The following ANKRD12 variants were observed in gnomAD, a reference collection of about 807,000 sequenced individuals.
ANKRD12 encodes ankyrin repeat domain 12, also known as ankyrin repeat domain-containing protein 12.
ANKRD12 carries 85 observed loss-of-function variants against 183.4 expected under a neutral mutation model. The ratio of observed to expected loss-of-function variants is 0.46; its 90% CI spans 0.39 to 0.56. ANKRD12 has a LOEUF of 0.56. ANKRD12 is among the 20% of genes least tolerant of loss of function. The pLI, the probability that ANKRD12 is intolerant of heterozygous loss-of-function variation, is 0.00. For missense variants in ANKRD12, 2,405 were observed against 2,357.1 expected, an observed-to-expected ratio of 1.02 and a Z score of -0.42; for synonymous variants, 914 against 800.2, an observed-to-expected ratio of 1.14 and a Z score of -2.40.
intron 5 of ANKRD12, among the ~76,000 whole-genome samples, chr18:9,210,088 ACT>A (rs1486299487): frequency 2.6e-5 from 4 of 152,020 alleles, no homozygotes; most frequent in South Asian, 4.2e-4. Flanking sequence ...TTCTTAGTCA[ACT>A]CTCTATTAAT....
intron 2 of ANKRD12, among the ~76,000 whole-genome samples, chr18:9,189,848 C>CAG (rs1304725036): frequency 6.6e-6 from 1 of 152,184 alleles, no homozygotes. Context: ...AGAGCTCTGA[C>CAG]AGAGACATAC....
At chr18:9,250,328 G>A (rs1188404724) in intron 8 of ANKRD12, 1 of 150,542 alleles carries the variant, frequency 6.6e-6, no homozygotes, top group African/African-American at 2.5e-5. Context: ...AGATATGATA[G>A]ATAGTGCTGG....
At chr18:9,179,353 T>C (rs2033529814) in intron 1 of ANKRD12, among the ~76,000 whole-genome samples, 1 of 152,224 alleles carries the variant, frequency 6.6e-6, no homozygotes. Flanking sequence ...GCCTCATTGT[T>C]GATCTTAGAA....
At chr18:9,198,353 A>G (rs1275588247) in intron 3 of ANKRD12, among the ~76,000 whole-genome samples, 2 of 145,010 alleles carry the variant, frequency 1.4e-5, no homozygotes, top group East Asian at 3.9e-4. Flanking sequence ...ATCAATAGTA[A>G]TCAAGAAATA....
At chr18:9,264,947 C>T (rs2039194784) in intron 10 of ANKRD12, among the ~76,000 whole-genome samples, 1 of 152,186 alleles carries the variant, frequency 6.6e-6, no homozygotes, top group Non-Finnish European at 1.5e-5. Context: ...TCTGCATTTC[C>T]CACTGAGCAA....
intron 3 of ANKRD12, 66 bp downstream of exon 3, chr18:9,195,764 T>C: frequency 6.8e-7 from 1 of 1,464,698 alleles, no homozygotes; most frequent in Non-Finnish European, 9.3e-7. Context: ...TTGTTTCTTG[T>C]ACACCACTCC....
chr18:9,265,775 G>T (rs1005464782), intron 10 of ANKRD12, among the ~76,000 whole-genome samples: 1 of 152,172 alleles, frequency 6.6e-6, no homozygotes, highest in African/African-American at 2.4e-5. Flanking sequence ...GACGGATAAT[G>T]ACTTTTACGA....
Position 9,255,938 on chromosome 18 carries a change from ACTG to A in ANKRD12, c.2677_2679del (p.Ala893del), listed in dbSNP as rs766855546. On this transcript the variant is annotated inframe_deletion, in exon 9 of 13. Transcript: ENST00000262126. ...TAAAGAAGGTGAGAAGAGCAAAAATACTGCTGCTATTAAAAAAACTGACGACAG... is the reference window on the plus strand; with the variant it reads ...TAAAGAAGGTGAGAAGAGCAAAAATACTGCTATTAAAAAAACTGACGACAG... 8 of 1,585,122 alleles carry A rather than the reference ACTG, an allele frequency of 5.0e-6. No homozygotes were observed. Among genetic ancestry groups the A allele is most frequent in the South Asian group, 2.4e-5 (2 of 84,072 alleles).
chr18:9,184,392 A>AT (rs142649502), intron 2 of ANKRD12, among the ~76,000 whole-genome samples: 11,219 of 150,492 alleles, frequency 0.075, 423 homozygotes, highest in African/African-American at 0.085. Context: ...TGATATGGCC[A>AT]TTTTTTTTTC....
At position 9,146,393 on chromosome 18, in the gene ANKRD12, A is replaced by G. The variant is rs534742864; in HGVS notation, c.-52+9428A>G. ...AAAATAGTGAGACTCCATCTACAAA[A>G]GAGTTTTGGCTGGGCACAGTGGCAC... On this transcript the variant is annotated intron_variant, in intron 1 of 12. Transcript: ENST00000262126. Among the ~76,000 whole-genome samples, 52 of 152,222 alleles carry G rather than the reference A, an allele frequency of 3.4e-4. No homozygotes were observed. In the South Asian group the frequency reaches 9.7e-3, roughly 29 times the overall value.
At chr18:9,247,358 A>G (rs1202086655) in intron 8 of ANKRD12, among the ~76,000 whole-genome samples, 4 of 151,258 alleles carry the variant, frequency 2.6e-5, no homozygotes, top group African/African-American at 9.7e-5. Context: ...GTGTACCTGT[A>G]GTCCTAGCTA....
At chr18:9,183,127 A>G (rs578259075) in intron 2 of ANKRD12, among the ~76,000 whole-genome samples, 2 of 152,316 alleles carry the variant, frequency 1.3e-5, no homozygotes, top group South Asian at 2.1e-4. Flanking sequence ...GTCAGTCTCC[A>G]CTGCAACCCT....
chr18:9,137,674 A>C (rs1429866248), intron 1 of ANKRD12: 1 of 152,162 alleles, frequency 6.6e-6, no homozygotes, highest in Non-Finnish European at 1.5e-5. Flanking sequence ...CAGCCACTCT[A>C]CAGTTCTGTC....
At position 9,281,026 on chromosome 18, in the gene ANKRD12, T is replaced by G; in HGVS notation, c.6089T>G (p.Leu2030Arg). The G allele has an allele frequency of 6.2e-7, 1 of 1,614,160 alleles. No individual in the cohort carries two copies. The change falls in exon 13 of 13, where the codon CTT becomes CGT. Residue 2030 changes from leucine to arginine, a missense_variant. Coordinates refer to ENST00000262126, the MANE Select transcript of ANKRD12 (RefSeq NM_015208.5). Reference protein sequence around the residue: ...RLEWQLKLQELDPATYKSISI... With the variant: ...RLEWQLKLQERDPATYKSISI... The stretch of plus-strand genomic sequence containing the variant: ...GAATGGCAGCTCAAACTCCAGGAAC[T>G]TGATCCTGCCACCTATAAATCTATC...
In ANKRD12 at chr18:9,258,815, C is replaced by T. The variant is rs1296647551; in HGVS notation, c.5548C>T (p.Arg1850Cys). ...LHIRKKIEEK[R>C]KLLCSVIPQA... is the part of the protein sequence containing the mutation. ...CATAAGGAAAAAAATAGAAGAAAAA[C>T]GCAAATTACTGTGTAGTGTGATTCC... The change falls in exon 9 of 13, where the codon CGC (arginine) becomes TGC (cysteine). Residue 1850 changes from arginine (R) to cysteine (C), a missense_variant. Physicochemically the swap from Arg to Cys is radical, Grantham distance 180 (BLOSUM62 -3). This residue lies in a region of ANKRD12 where 162 missense variants were observed against 272.2 expected (regional missense o/e 0.60). Transcript: ENST00000262126. The T allele has an allele frequency of 3.1e-6, 5 of 1,613,778 alleles. No individual in the cohort carries two copies. Among genetic ancestry groups the T allele is most frequent in the Admixed American group, 1.7e-5 (1 of 59,970 alleles).
chr18:9,261,596 A>C (rs1346611703), intron 9 of ANKRD12, among the ~76,000 whole-genome samples: 1 of 152,208 alleles, frequency 6.6e-6, no homozygotes, highest in Non-Finnish European at 1.5e-5. Flanking sequence ...CTGCGGTCTT[A>C]AGTTCTTAGA....
At chr18:9,146,525 TA>T (rs1025515954) in intron 1 of ANKRD12, among the ~76,000 whole-genome samples, 1 of 151,664 alleles carries the variant, frequency 6.6e-6, no homozygotes, top group Non-Finnish European at 1.5e-5. Context: ...TCCATAAAAA[TA>T]AAAAAAAATT....
chr18:9,158,318 T>C (rs2030905454), intron 1 of ANKRD12, among the ~76,000 whole-genome samples: 1 of 152,166 alleles, frequency 6.6e-6, no homozygotes, highest in African/African-American at 2.4e-5. Flanking sequence ...ATTGCCCTAG[T>C]TTTTTGAATG....
intron 3 of ANKRD12, among the ~76,000 whole-genome samples, chr18:9,202,489 C>T (rs149092541): frequency 6.6e-6 from 1 of 152,230 alleles, no homozygotes; most frequent in African/African-American, 2.4e-5. Context: ...TGCCCCCTTC[C>T]TGATATTTCA....
Sources: allele counts gnomAD v4.1 joint callset (sites outside exome capture counted in the v4.1 genomes callset), GRCh38; gene constraint gnomAD v4.1.1; regional missense constraint gnomAD v4.1.1; transcripts MANE v1.5; gene names NCBI Gene and HGNC (gene_info 2026-07-23, HGNC 2026-07-21).